Variants in NELL2 observed in about 807,000 individuals in gnomAD.
The protein encoded by NELL2 is neural EGFL like 2, also known as protein kinase C-binding protein NELL2.
In NELL2, 41 loss-of-function variants were observed where a neutral mutation model predicts 109.6. The observed-to-expected ratio is 0.37, with a 90% CI of 0.29 to 0.49. The LOEUF (loss-of-function observed/expected upper bound fraction) is 0.49, where lower values mean the gene tolerates loss of function less well. NELL2 is among the 20% of genes least tolerant of loss of function. NELL2 has a pLI of 0.98. For missense variants in NELL2, 900 were observed against 1,008.3 expected, an observed-to-expected ratio of 0.89 and a Z score of 1.45; for synonymous variants, 355 against 344.7, an observed-to-expected ratio of 1.03 and a Z score of -0.33.
At chr12:44,554,673 T>C (rs756576610) in intron 15 of NELL2, among the ~76,000 whole-genome samples, 3 of 152,244 alleles carry the variant, frequency 2.0e-5, no homozygotes, top group Non-Finnish European at 4.4e-5. Flanking sequence ...CCCAATTTTA[T>C]GCACATATTC....
intron 10 of NELL2, 138 bp from the exon 11 acceptor site, chr12:44,711,532 C>T: frequency 1.6e-6 from 1 of 607,538 alleles, no homozygotes; most frequent in East Asian, 2.8e-5. Flanking sequence ...GTCATGGGCT[C>T]ACTCCCAAAA....
In NELL2 at chr12:44,778,196, A is replaced by G. The variant is rs150266471; in HGVS notation, c.607-882T>C. 5.3e-5 allele frequency among the ~76,000 whole-genome samples: 8 copies of G among 152,362 alleles called. No individual in the cohort carries two copies. The East Asian group carries it at 9.6e-4, about 18-fold the overall frequency. On this transcript the variant is annotated intron_variant, in intron 5 of 19. Coordinates refer to ENST00000429094, the MANE Select transcript of NELL2 (RefSeq NM_001145108.2). ...ATAGGAATAACTGTACCAACATGACATCAATATAATTTTAAACGTACCTAT... is the reference window on the plus strand; with the variant it reads ...ATAGGAATAACTGTACCAACATGACGTCAATATAATTTTAAACGTACCTAT...
chr12:44,527,645 G>A (rs1342830535), intron 16 of NELL2, among the ~76,000 whole-genome samples: 4 of 152,062 alleles, frequency 2.6e-5, no homozygotes. Flanking sequence ...CAGAAAAATA[G>A]CACCTTCTCT....
chr12:44,765,004 C>T (rs558626204), intron 9 of NELL2, among the ~76,000 whole-genome samples: 74 of 152,242 alleles, frequency 4.9e-4, no homozygotes, highest in Admixed American at 1.2e-3. Flanking sequence ...AGGTCCCACC[C>T]TGAAACACTG....
chr12:44,526,859 G>A, intron 16 of NELL2, among the ~76,000 whole-genome samples: 1 of 152,106 alleles, frequency 6.6e-6, no homozygotes, highest in Non-Finnish European at 1.5e-5. Flanking sequence ...TGTGTGGGGG[G>A]CTCAGAAAAT....
chr12:44,671,929 T>C (rs752814676), intron 12 of NELL2, among the ~76,000 whole-genome samples: 1 of 152,136 alleles, frequency 6.6e-6, no homozygotes, highest in Non-Finnish European at 1.5e-5. Flanking sequence ...TATGAACAAT[T>C]TACCCATGGG....
intron 15 of NELL2, among the ~76,000 whole-genome samples, chr12:44,554,598 G>T (rs2136171332): frequency 6.6e-6 from 1 of 152,214 alleles, no homozygotes; most frequent in African/African-American, 2.4e-5. Flanking sequence ...TAAATATGTG[G>T]GGTTTACTGT....
intron 12 of NELL2, among the ~76,000 whole-genome samples, chr12:44,672,200 C>A (rs1289917088): frequency 6.6e-6 from 1 of 152,184 alleles, no homozygotes; most frequent in Non-Finnish European, 1.5e-5. Context: ...GGGTCCCCAA[C>A]CCCGGGATGG....
At chr12:44,824,804 G>A (rs138944864) in intron 2 of NELL2, among the ~76,000 whole-genome samples, 3,351 of 150,150 alleles carry the variant, frequency 0.022, 68 homozygotes, top group East Asian at 0.049. Context: ...TCCGCCTCCC[G>A]GGTTCACGCC....
At chr12:44,865,889 A>T (rs1191172013) in intron 2 of NELL2, among the ~76,000 whole-genome samples, 1 of 152,184 alleles carries the variant, frequency 6.6e-6, no homozygotes, top group African/African-American at 2.4e-5. Context: ...TTTTCTAACC[A>T]CAATGGTATT....
At position 44,875,356 on chromosome 12, in the gene NELL2, G is replaced by C. The variant is rs761409600; in HGVS notation, c.56-3C>G. On this transcript the variant is annotated splice_polypyrimidine_tract_variant and splice_region_variant and intron_variant, in intron 1 of 19. Coordinates refer to ENST00000429094, the MANE Select transcript of NELL2 (RefSeq NM_001145108.2). Reference sequence around the variant, plus strand: ...AGGGTCCACACCAAGCCCCCAAACTGGTGAGGGGTATGAGGTGGGAGAGAG... The same window carrying C: ...AGGGTCCACACCAAGCCCCCAAACTCGTGAGGGGTATGAGGTGGGAGAGAG... The C allele has an allele frequency of 1.2e-6, 2 of 1,614,020 alleles. No individual in the cohort carries two copies. The highest frequency in any genetic ancestry group is 1.7e-6 in the Non-Finnish European group (2 of 1,180,022).
intron 17 of NELL2, among the ~76,000 whole-genome samples, chr12:44,522,435 C>A (rs913038676): frequency 2.0e-5 from 3 of 151,992 alleles, no homozygotes; most frequent in African/African-American, 7.3e-5. Context: ...AAATGACCAG[C>A]ATAAAATAAC....
chr12:44,627,575 AGTT>A (rs1257835421), intron 13 of NELL2, among the ~76,000 whole-genome samples: 1 of 152,200 alleles, frequency 6.6e-6, no homozygotes, highest in Non-Finnish European at 1.5e-5. Context: ...ACAATTGTAT[AGTT>A]GACTGCTCTG....
At chr12:44,753,197 C>T (rs553845725) in intron 9 of NELL2, among the ~76,000 whole-genome samples, 4 of 152,262 alleles carry the variant, frequency 2.6e-5, no homozygotes, top group African/African-American at 9.6e-5. Context: ...TATCATGCCC[C>T]TACCTTATCC....
chr12:44,860,738 A>T (rs1944816107), intron 2 of NELL2, among the ~76,000 whole-genome samples: 1 of 152,156 alleles, frequency 6.6e-6, no homozygotes, highest in Admixed American at 6.5e-5. Flanking sequence ...TAACAACCTT[A>T]ATTTCATTTG....
intron 1 of NELL2, among the ~76,000 whole-genome samples, chr12:44,890,473 C>T (rs1394337430): frequency 1.3e-5 from 2 of 152,168 alleles, no homozygotes; most frequent in African/African-American, 4.8e-5. Flanking sequence ...GCCTTGTTCT[C>T]CAACTTTATT....
intron 1 of NELL2, among the ~76,000 whole-genome samples, chr12:44,892,561 G>A (rs1033617518): frequency 4.0e-5 from 6 of 151,896 alleles, no homozygotes; most frequent in Non-Finnish European, 4.4e-5. Flanking sequence ...ACTTTGGGAG[G>A]CCGAGGCAGG....
In NELL2 at chr12:44,824,767, A is replaced by G. The variant is rs188261986; in HGVS notation, c.185-8631T>C. 1.6e-3 allele frequency among the ~76,000 whole-genome samples: 232 copies of G among 149,624 alleles called. 1 individual carries two copies. The highest frequency in any genetic ancestry group is 5.3e-3 in the African/African-American group (216 of 40,696). Reference sequence around the variant, plus strand: ...ACTCTGTCGCCCAGGCAGGAGTGCAACGGCATGATCTCGGCTAATCGCAAG... The same window carrying G: ...ACTCTGTCGCCCAGGCAGGAGTGCAGCGGCATGATCTCGGCTAATCGCAAG... On this transcript the variant is annotated intron_variant, in intron 2 of 19. Coordinates refer to ENST00000429094, the MANE Select transcript of NELL2 (RefSeq NM_001145108.2).
upstream of NELL2, chr12:44,876,499 C>T (rs933258828): frequency 5.9e-6 from 8 of 1,367,068 alleles, no homozygotes; most frequent in Admixed American, 5.8e-5. Flanking sequence ...GTTGCAGCCT[C>T]AGCTCTTCTC....
Sources: allele counts gnomAD v4.1 joint callset (sites outside exome capture counted in the v4.1 genomes callset), GRCh38; gene constraint gnomAD v4.1.1; transcripts MANE v1.5; gene names NCBI Gene and HGNC (gene_info 2026-07-23, HGNC 2026-07-21).